The following BTBD9 variants were observed in gnomAD, a reference collection of about 807,000 sequenced individuals.
The protein encoded by BTBD9 is BTB domain containing 9.
In BTBD9, 49 loss-of-function variants were observed where a neutral mutation model predicts 64.3. The ratio of observed to expected loss-of-function variants is 0.76; its 90% CI spans 0.61 to 0.97. The LOEUF is 0.97. Among genes scored for constraint, BTBD9 ranks in the 50% least tolerant of loss-of-function variants. BTBD9 has a pLI of 0.00. For synonymous variants in BTBD9, 260 were observed against 274.7 expected (o/e 0.95, Z 0.53); for missense variants, 598 against 762.1 (o/e 0.78, Z 2.53).
intron 7 of BTBD9, among the ~76,000 whole-genome samples, chr6:38,313,174 T>C (rs953047292): frequency 6.6e-6 from 1 of 152,212 alleles, no homozygotes; most frequent in African/African-American, 2.4e-5. Context: ...ATAAGATTAC[T>C]TTCTTGATTT....
intron 8 of BTBD9, among the ~76,000 whole-genome samples, chr6:38,273,760 A>C (rs955365861): frequency 1.3e-5 from 2 of 152,208 alleles, no homozygotes; most frequent in African/African-American, 4.8e-5. Flanking sequence ...GGAAACAAAA[A>C]ATAAGGGTAT....
At chr6:38,604,316 C>T (rs1777352628) in intron 1 of BTBD9, among the ~76,000 whole-genome samples, 1 of 150,274 alleles carries the variant, frequency 6.7e-6, no homozygotes, top group Admixed American at 6.7e-5. Flanking sequence ...CCGGTTTGAC[C>T]ACTAAAGAAT....
chr6:38,403,629 G>C (rs769764343), intron 6 of BTBD9, among the ~76,000 whole-genome samples: 1 of 152,132 alleles, frequency 6.6e-6, no homozygotes, highest in Non-Finnish European at 1.5e-5. Flanking sequence ...ACTACTAGCC[G>C]GAATGTAAAA....
intron 9 of BTBD9, among the ~76,000 whole-genome samples, chr6:38,214,359 A>C (rs1167055304): frequency 6.6e-6 from 1 of 152,244 alleles, no homozygotes; most frequent in Non-Finnish European, 1.5e-5. Flanking sequence ...GCAAGGACTG[A>C]CCTAGCCCGC....
At chr6:38,540,394 T>C (rs532890129) in intron 6 of BTBD9, among the ~76,000 whole-genome samples, 2 of 152,354 alleles carry the variant, frequency 1.3e-5, no homozygotes, top group African/African-American at 4.8e-5. Flanking sequence ...AGCCATATTT[T>C]TGATAAATTG....
In BTBD9 at chr6:38,374,305, A is replaced by ATATATATATATATG. The variant is rs1459305916; in HGVS notation, c.1155-29213_1155-29212insCATATATATATATA. 3.3e-3 allele frequency among the ~76,000 whole-genome samples: 220 copies of ATATATATATATATG among 66,276 alleles called. 2 individuals are homozygous for ATATATATATATATG. The highest frequency in any genetic ancestry group is 4.9e-3 in the Non-Finnish European group (162 of 33,264). 43.5% of individuals were successfully genotyped at this position (66,276 alleles called of 152,430 possible). On this transcript the variant is annotated intron_variant, in intron 6 of 10. Transcript: ENST00000481247. Reference sequence around the variant, plus strand: ...AAAGTATATATATATATGTATATATATGTATATATATATATATATATGTAT... The same window carrying ATATATATATATATG: ...AAAGTATATATATATATGTATATATATATATATATATATGTGTATATATATATATATATATGTAT...
At chr6:38,187,068 G>C (rs1426234620) in intron 10 of BTBD9, among the ~76,000 whole-genome samples, 1 of 152,184 alleles carries the variant, frequency 6.6e-6, no homozygotes, top group Non-Finnish European at 1.5e-5. Context: ...GTAGGCATGT[G>C]CCTTTGCTAT....
chr6:38,616,652 T>C (rs1777801773), intron 1 of BTBD9, among the ~76,000 whole-genome samples: 2 of 152,104 alleles, frequency 1.3e-5, no homozygotes, highest in Non-Finnish European at 2.9e-5. Context: ...AGCAGGATTC[T>C]AAAAGTAGCC....
chr6:38,588,210 G>GT, intron 4 of BTBD9: 1 of 881,904 alleles, frequency 1.1e-6, no homozygotes, highest in Non-Finnish European at 2.0e-6. Context: ...CCAAGGATAT[G>GT]GCCAGCAACC....
chr6:38,529,630 C>T (rs902292393), intron 6 of BTBD9, among the ~76,000 whole-genome samples: 2 of 152,202 alleles, frequency 1.3e-5, no homozygotes, highest in Non-Finnish European at 2.9e-5. Context: ...GCTGGAGCCT[C>T]GGCGGAGGAA....
At chr6:38,416,773 C>G (rs929206203) in intron 6 of BTBD9, among the ~76,000 whole-genome samples, 1 of 152,116 alleles carries the variant, frequency 6.6e-6, no homozygotes. Context: ...GCACAGTCAC[C>G]AAAGGGCTCA....
chr6:38,189,447 G>C (rs1019725996), intron 10 of BTBD9, among the ~76,000 whole-genome samples: 1 of 152,200 alleles, frequency 6.6e-6, no homozygotes, highest in African/African-American at 2.4e-5. Context: ...CATTCTCTGA[G>C]GGTTTGCTGT....
chr6:38,232,841 C>A (rs1444278946), intron 9 of BTBD9, among the ~76,000 whole-genome samples: 1 of 152,064 alleles, frequency 6.6e-6, no homozygotes, highest in Non-Finnish European at 1.5e-5. Flanking sequence ...GGATTAGTAA[C>A]ACATAAGAGG....
At chr6:38,227,082 G>A (rs1057111878) in intron 9 of BTBD9, among the ~76,000 whole-genome samples, 2 of 152,224 alleles carry the variant, frequency 1.3e-5, no homozygotes, top group African/African-American at 4.8e-5. Context: ...TCCTGGAGAG[G>A]CTTGCTCACC....
At chr6:38,421,282 G>C (rs1767892286) in intron 6 of BTBD9, among the ~76,000 whole-genome samples, 1 of 152,024 alleles carries the variant, frequency 6.6e-6, no homozygotes, top group Non-Finnish European at 1.5e-5. Context: ...CTTCAACCCA[G>C]GAAGCAGAGG....
At chr6:38,588,517 T>C (rs976220647) in intron 4 of BTBD9, 7 of 839,270 alleles carry the variant, frequency 8.3e-6, no homozygotes, top group Non-Finnish European at 1.2e-5. Flanking sequence ...AACCTGGACC[T>C]GGTTATCGAT....
At chr6:38,493,995 C>G (rs1771820161) in intron 6 of BTBD9, among the ~76,000 whole-genome samples, 1 of 152,180 alleles carries the variant, frequency 6.6e-6, no homozygotes, top group Admixed American at 6.5e-5. Flanking sequence ...AAACAAGTTT[C>G]CACAGCTAAA....
rs573778695 is a variant in BTBD9, at chr6:38,430,525, T to A, written c.1155-85432A>T. Among the ~76,000 whole-genome samples, 184 of 141,972 alleles carry A rather than the reference T, an allele frequency of 1.3e-3. 1 individual carries two copies. Among genetic ancestry groups the A allele is most frequent in the African/African-American group, 3.9e-3 (147 of 37,608 alleles). The allele number at this position is 141,972 out of a possible 152,430, so 93.1% of individuals were successfully genotyped here. On this transcript the variant is annotated intron_variant, in intron 6 of 10. Transcript: ENST00000481247. ...ACCCACCGCAGCTGAAAAAAAAAAA[T>A]TTTTTTTTGAGACAGGGTCTTGCTC...
At chr6:38,328,564 C>CGTGTGTGTGGGTGTGTGTGT (rs1763530478) in intron 7 of BTBD9, among the ~76,000 whole-genome samples, 1 of 130,408 alleles carries the variant, frequency 7.7e-6, no homozygotes, top group Admixed American at 7.9e-5. Flanking sequence ...TTTAAGCCAC[C>CGTGTGTGTGGGTGTGTGTGT]GTGTGTGTGT....
Sources: allele counts gnomAD v4.1 joint callset (sites outside exome capture counted in the v4.1 genomes callset), GRCh38; gene constraint gnomAD v4.1.1; transcripts MANE v1.5; gene names NCBI Gene and HGNC (gene_info 2026-07-23, HGNC 2026-07-21).